INO80: variants seen among roughly 807,000 people sequenced by gnomAD.
INO80 encodes chromatin-remodeling ATPase INO80.
In INO80, 20 loss-of-function variants were observed where a neutral mutation model predicts 203.4. The ratio of observed to expected loss-of-function variants is 0.10; its 90% CI spans 0.07 to 0.14. The LOEUF is 0.14. Among genes scored for constraint, INO80 ranks in the 10% least tolerant of loss-of-function variants. The probability of loss-of-function intolerance (pLI) is 1.00; values close to 1 mark genes in which losing one functional copy is unlikely to be tolerated. For synonymous variants in INO80, 726 were observed against 685.2 expected (o/e 1.06, Z -0.93); for missense variants, 1,419 against 1,914.4 (o/e 0.74, Z 4.83).
chr15:41,037,017 C>T (rs921475303), intron 24 of INO80, among the ~76,000 whole-genome samples: 2 of 151,864 alleles, frequency 1.3e-5, no homozygotes, highest in Admixed American at 1.3e-4. Context: ...GCAAGAGAAT[C>T]GCTCAAACCC....
At chr15:41,097,814 A>C (rs1176898477) in intron 1 of INO80, among the ~76,000 whole-genome samples, 2 of 151,704 alleles carry the variant, frequency 1.3e-5, no homozygotes, top group Non-Finnish European at 2.9e-5. Flanking sequence ...TTAGCTGGGC[A>C]TGGTGGCAGG....
chr15:41,106,078 G>C (rs546757638), intron 1 of INO80, among the ~76,000 whole-genome samples: 15 of 151,944 alleles, frequency 9.9e-5, no homozygotes, highest in Admixed American at 3.9e-4. Context: ...GGTAACATAG[G>C]GAGACCCACC....
intron 29 of INO80, among the ~76,000 whole-genome samples, chr15:40,995,491 A>G (rs3101436): frequency 0.46 from 69,770 of 152,162 alleles, 17,778 homozygotes; most frequent in East Asian, 0.7. Flanking sequence ...AAAGGACACA[A>G]ATGAAGAGCC....
chr15:41,072,081 A>G, intron 11 of INO80, 23 bp from the exon 12 acceptor site: 1 of 1,355,710 alleles, frequency 7.4e-7, no homozygotes, highest in Non-Finnish European at 1.0e-6. Flanking sequence ...AAAAAAAAAA[A>G]TTAGAAAAAA....
In INO80 at chr15:41,095,785, T is replaced by C. The variant is rs187752472; in HGVS notation, c.287A>G (p.Tyr96Cys). 2.5e-6 allele frequency: 4 copies of C among 1,614,158 alleles called. No individual in the cohort carries two copies. The African/African-American group carries it at 4.0e-5, about 16-fold the overall frequency. The change falls in exon 3 of 36, where the codon TAT (tyrosine) becomes TGT (cysteine). Residue 96 changes from tyrosine to cysteine, a missense_variant. By Grantham distance (194) the Tyr-to-Cys change is radical (BLOSUM62 -2). Transcript: ENST00000648947. ...TGACTGTAGAACTCCATTCAGAGAA[T>C]ATGTGTTTAACATTCCAGAACTGCC... ...GAGSSGMLNT[Y>C]SLNGVLQSES... is the part of the protein sequence containing the mutation.
chr15:40,981,833 T>C lies in INO80; in HGVS notation c.4453+1029A>G, dbSNP rs563155348. On this transcript the variant is annotated intron_variant, in intron 35 of 35. Transcript: ENST00000648947. ...TGCCCAGCAGGCCTCGCCATGTGTT[T>C]ACAACCTTGACTCCTACTGCTCCTC... Among the ~76,000 whole-genome samples the C allele has an allele frequency of 3.9e-5, 6 of 152,348 alleles. No homozygotes were observed. In the East Asian group the frequency reaches 1.2e-3, roughly 29 times the overall value.
rs935298490 is a variant in INO80, at chr15:41,091,918, C to G, written c.537+109G>C. 15 of 855,240 alleles carry G rather than the reference C, an allele frequency of 1.8e-5. 1 individual carries two copies. The South Asian group carries it at 3.3e-4, about 19-fold the overall frequency. The allele number at this position is 855,240 out of a possible 1,614,324, so 53.0% of individuals were successfully genotyped here. ...CCGCCCGCCTCGTCCTCCCAAAGTG[C>G]TGGGATTATAGGTGTGAGCCACCAC... is the stretch of plus-strand genomic sequence containing the variant. On this transcript the variant is annotated intron_variant, in intron 5 of 35. Transcript: ENST00000648947.
chr15:41,061,670 C>T (rs185860606), intron 14 of INO80, among the ~76,000 whole-genome samples: 1,555 of 151,600 alleles, frequency 0.01, 9 homozygotes, highest in Middle Eastern at 0.017. Context: ...ATGAAAAATA[C>T]TTTAAAAAAT....
chr15:40,987,270 C>T (rs1444628095), intron 30 of INO80, 77 bp from the exon 31 acceptor site: 5 of 857,054 alleles, frequency 5.8e-6, no homozygotes, highest in African/African-American at 3.3e-5. Context: ...AGATACACAT[C>T]GTTCTCAACC....
At chr15:41,108,910 C>G (rs1049156554) in intron 1 of INO80, 3 of 153,976 alleles carry the variant, frequency 1.9e-5, no homozygotes, top group Admixed American at 6.6e-5. Flanking sequence ...AGAAGCACGC[C>G]CAGTGCCACA....
At chr15:41,093,882 T>C (rs2045681056) in intron 4 of INO80, among the ~76,000 whole-genome samples, 1 of 152,036 alleles carries the variant, frequency 6.6e-6, no homozygotes, top group African/African-American at 2.4e-5. Context: ...AATGAAAAGG[T>C]GAATTTTATG....
At chr15:41,094,857 C>T (rs1433409399) in intron 4 of INO80, among the ~76,000 whole-genome samples, 6 of 152,204 alleles carry the variant, frequency 3.9e-5, no homozygotes, top group East Asian at 3.9e-4. Context: ...CCTGACCTCA[C>T]GCGACAGGTC....
Position 40,979,955 on chromosome 15 carries a change from T to C in INO80, c.*268A>G. ...TGTGTCAGGCTTGCCCCGTGAGAGG[T>C]TTAAGACTTGGCTATACAGTTCACT... On this transcript the variant is annotated 3_prime_UTR_variant, in exon 36 of 36. Coordinates refer to ENST00000648947, the MANE Select transcript of INO80 (RefSeq NM_017553.3). 1 of 498,820 alleles carries C rather than the reference T, an allele frequency of 2.0e-6. No homozygotes were observed. The allele number at this position is 498,820 out of a possible 1,614,324, so 30.9% of individuals were successfully genotyped here.
intron 16 of INO80, among the ~76,000 whole-genome samples, chr15:41,057,466 A>C (rs2045008067): frequency 6.6e-6 from 1 of 150,996 alleles, no homozygotes; most frequent in African/African-American, 2.4e-5. Flanking sequence ...TGTCTCAAAA[A>C]AAAAAAAAAA....
chr15:41,071,448 CTTTTTTTTTT>C (rs747609865), intron 12 of INO80, among the ~76,000 whole-genome samples: 3 of 87,062 alleles, frequency 3.4e-5, no homozygotes, highest in Non-Finnish European at 6.5e-5. Context: ...TACTCATTTC[CTTTTTTTTTT>C]TTTTTTTTTT....
rs562939072 is a variant in INO80 at position 40,994,352 on chromosome 15, A to G, written c.3570+3177T>C. On this transcript the variant is annotated intron_variant, in intron 29 of 35. Coordinates refer to ENST00000648947, the MANE Select transcript of INO80 (RefSeq NM_017553.3). Reference sequence around the variant, plus strand: ...TACCTGATGAATTTTTCTTCATAGCATTCATATTATCAGTTTTTTGTTTGT... The same window carrying G: ...TACCTGATGAATTTTTCTTCATAGCGTTCATATTATCAGTTTTTTGTTTGT... Among the ~76,000 whole-genome samples the G allele has an allele frequency of 2.0e-5, 3 of 152,084 alleles. No individual in the cohort carries two copies. The South Asian group carries it at 6.2e-4, about 32-fold the overall frequency.
intron 7 of INO80, among the ~76,000 whole-genome samples, chr15:41,081,767 T>C (rs879548561): frequency 2.0e-5 from 3 of 151,980 alleles, no homozygotes; most frequent in Non-Finnish European, 4.4e-5. Context: ...TACTGAAGAG[T>C]ACTCTCCTTG....
intron 23 of INO80, among the ~76,000 whole-genome samples, chr15:41,045,537 G>GC (rs2044741084): frequency 6.9e-6 from 1 of 145,226 alleles, no homozygotes; most frequent in Non-Finnish European, 1.5e-5. Context: ...AGCCGAGATT[G>GC]CCCCATTGTA....
chr15:41,006,597 T>A (rs770908714), intron 27 of INO80, among the ~76,000 whole-genome samples: 1 of 152,248 alleles, frequency 6.6e-6, no homozygotes, highest in Non-Finnish European at 1.5e-5. Context: ...GTAACTCTTA[T>A]ACTTGGTGGG....
Sources: allele counts gnomAD v4.1 joint callset (sites outside exome capture counted in the v4.1 genomes callset), GRCh38; gene constraint gnomAD v4.1.1; transcripts MANE v1.5; gene names NCBI Gene and HGNC (gene_info 2026-07-23, HGNC 2026-07-21).